Variants in BLTP3B observed in about 807,000 individuals in gnomAD.
BLTP3B encodes the protein bridge-like lipid transfer protein family member 3B, also known as UHRF1 (ICBP90) binding protein 1-like.
At chr12:100,074,316 G>A in the BLTP3B span, among the ~76,000 whole-genome samples, 2 of 152,126 alleles carry the variant, frequency 1.3e-5, no homozygotes, top group South Asian at 2.1e-4. Context: ...TACAAGAACT[G>A]GGCCAGGCAT....
the BLTP3B span, among the ~76,000 whole-genome samples, chr12:100,086,845 A>G: frequency 6.6e-6 from 1 of 152,162 alleles, no homozygotes; most frequent in Admixed American, 6.5e-5. Context: ...ACACTACACC[A>G]TATCATCCTA....
the BLTP3B span, among the ~76,000 whole-genome samples, chr12:100,038,424 C>T: frequency 6.6e-6 from 1 of 152,152 alleles, no homozygotes; most frequent in Non-Finnish European, 1.5e-5. Flanking sequence ...CAGCCTCCAC[C>T]TCCCGGGTTC....
At chr12:100,121,365 A>AC in the BLTP3B span, among the ~76,000 whole-genome samples, 1 of 151,562 alleles carries the variant, frequency 6.6e-6, no homozygotes, top group Admixed American at 6.6e-5. Flanking sequence ...AAAAAAAAAA[A>AC]AAAAAAAACA....
the BLTP3B span, among the ~76,000 whole-genome samples, chr12:100,121,981 T>C: frequency 6.7e-6 from 1 of 150,122 alleles, no homozygotes; most frequent in Non-Finnish European, 1.5e-5. Flanking sequence ...TCTTAAAAAA[T>C]AATGAATTTA....
the BLTP3B span, among the ~76,000 whole-genome samples, chr12:100,052,064 T>C: frequency 1.3e-5 from 2 of 150,824 alleles, no homozygotes; most frequent in Non-Finnish European, 3.0e-5. Context: ...AAGATTCCCT[T>C]TAAATTTTTT....
At chr12:100,066,770 C>T in the BLTP3B span, among the ~76,000 whole-genome samples, 1 of 151,740 alleles carries the variant, frequency 6.6e-6, no homozygotes, top group Non-Finnish European at 1.5e-5. Context: ...CACCACTGCA[C>T]TCCAGCCTAG....
the BLTP3B span, among the ~76,000 whole-genome samples, chr12:100,082,167 T>C: frequency 6.6e-6 from 1 of 152,242 alleles, no homozygotes; most frequent in African/African-American, 2.4e-5. Context: ...TTAGTGATGT[T>C]GAGCACTGTT....
At chr12:100,142,456 C>A in the BLTP3B span, 2 of 965,814 alleles carry the variant, frequency 2.1e-6, no homozygotes, top group Non-Finnish European at 3.0e-6. Flanking sequence ...GCGACCTCTG[C>A]CCCGGCCAGA....
the BLTP3B span, among the ~76,000 whole-genome samples, chr12:100,138,941 TACG>T: frequency 1.1e-4 from 16 of 152,346 alleles, no homozygotes; most frequent in South Asian, 1.2e-3. Flanking sequence ...TCACATTTGT[TACG>T]ACTTCTCTTT....
the BLTP3B span, among the ~76,000 whole-genome samples, chr12:100,130,951 T>TAC: frequency 0.02 from 2,654 of 133,148 alleles, 95 homozygotes; most frequent in African/African-American, 0.067. Context: ...CATACATACA[T>TAC]ATATATATAT....
chr12:100,118,140 A>C, the BLTP3B span, among the ~76,000 whole-genome samples: 1 of 152,118 alleles, frequency 6.6e-6, no homozygotes, highest in Non-Finnish European at 1.5e-5. Context: ...CAGCAGACAA[A>C]CCCCAATTGA....
the BLTP3B span, among the ~76,000 whole-genome samples, chr12:100,119,380 C>T: frequency 6.6e-6 from 1 of 152,116 alleles, no homozygotes; most frequent in African/African-American, 2.4e-5. Context: ...AAAAGACTTA[C>T]AGATTCAAGG....
the BLTP3B span, among the ~76,000 whole-genome samples, chr12:100,124,971 TA>T: frequency 2.1e-3 from 224 of 108,196 alleles, 3 homozygotes; most frequent in African/African-American, 9.0e-3. Context: ...TATATATATA[TA>T]TATATATTTA....
chr12:100,125,102 T>C, the BLTP3B span, among the ~76,000 whole-genome samples: 4 of 148,494 alleles, frequency 2.7e-5, no homozygotes, highest in African/African-American at 9.9e-5. Context: ...GAGGCCGAGA[T>C]GGGCGGATCA....
the BLTP3B span, chr12:100,142,467 G>T: frequency 1.9e-6 from 2 of 1,066,834 alleles, no homozygotes; most frequent in Non-Finnish European, 2.7e-6. Context: ...CCCGGCCAGA[G>T]CGGGGAAGTC....
chr12:100,119,150 T>C, the BLTP3B span, among the ~76,000 whole-genome samples: 1 of 152,084 alleles, frequency 6.6e-6, no homozygotes, highest in South Asian at 2.1e-4. Context: ...TGTTTCTATA[T>C]GTAGCAACAA....
chr12:100,139,012 T>C, the BLTP3B span, among the ~76,000 whole-genome samples: 57 of 152,278 alleles, frequency 3.7e-4, no homozygotes, highest in African/African-American at 1.3e-3. Flanking sequence ...CCAAAATACA[T>C]TCAGTCCTAT....
At chr12:100,057,026 G>T in the BLTP3B span, among the ~76,000 whole-genome samples, 12 of 152,118 alleles carry the variant, frequency 7.9e-5, no homozygotes, top group Non-Finnish European at 1.8e-4. Context: ...GGCATTGGTT[G>T]TCTCTCAATA....
the BLTP3B span, among the ~76,000 whole-genome samples, chr12:100,137,165 A>G: frequency 3.9e-5 from 6 of 152,170 alleles, no homozygotes; most frequent in African/African-American, 2.4e-5. Context: ...TTAAACTTCA[A>G]TGTGACAGTT....
Sources: allele counts gnomAD v4.1 joint callset (sites outside exome capture counted in the v4.1 genomes callset), GRCh38; gene constraint gnomAD v4.1.1; transcripts MANE v1.5; gene names NCBI Gene and HGNC (gene_info 2026-07-23, HGNC 2026-07-21).